Variants in FAN1 observed in about 807,000 individuals in gnomAD.
FAN1 encodes fanconi-associated nuclease 1.
In FAN1, 91 loss-of-function variants were observed where a neutral mutation model predicts 104.9. The ratio of observed to expected loss-of-function variants is 0.87; its 90% CI spans 0.73 to 1.03. The LOEUF (loss-of-function observed/expected upper bound fraction) is 1.03, where lower values mean the gene tolerates loss of function less well. FAN1 is among the 50% of genes least tolerant of loss of function. The probability of loss-of-function intolerance (pLI) is 0.00; values close to 1 mark genes in which losing one functional copy is unlikely to be tolerated. For synonymous variants in FAN1, 478 were observed against 457.6 expected (o/e 1.04, Z -0.57); for missense variants, 1,263 against 1,239.9 (o/e 1.02, Z -0.28).
In FAN1 at chr15:30,904,621, T is replaced by G; in HGVS notation, c.-43T>G. 1 of 1,585,316 alleles carries G rather than the reference T, an allele frequency of 6.3e-7. No individual in the cohort carries two copies. The highest frequency in any genetic ancestry group is 8.6e-7 in the Non-Finnish European group (1 of 1,156,890). On this transcript the variant is annotated 5_prime_UTR_variant, in exon 2 of 15. Coordinates refer to ENST00000362065, the MANE Select transcript of FAN1 (RefSeq NM_014967.5). ...CCATTGCTATCTTTCACCTTAAATA[T>G]CCTGTGTTTTATTGCTCAGAACATC...
At position 30,910,676 on chromosome 15, in the gene FAN1, C is replaced by T; in HGVS notation, c.1438C>T (p.Leu480=). 6.2e-7 allele frequency: 1 copy of T among 1,613,788 alleles called. No homozygotes were observed. Among genetic ancestry groups the T allele is most frequent in the African/African-American group, 1.3e-5 (1 of 75,020 alleles). ...ELLSAPELKS[L]AKTFHLVNPN... ...CCTTTCTGCTCCTGAACTAAAATCC[C>T]TAGCCAAGACCTTCCACTTGGTGAA... is the stretch of plus-strand genomic sequence containing the variant. The change falls in exon 4 of 15, where the codon CTA becomes TTA. Residue 480 remains leucine, a synonymous_variant. Coordinates refer to ENST00000362065, the MANE Select transcript of FAN1 (RefSeq NM_014967.5).
chr15:30,919,288 G>A (rs920968966), intron 6 of FAN1, among the ~76,000 whole-genome samples: 11 of 150,828 alleles, frequency 7.3e-5, no homozygotes, highest in Admixed American at 1.3e-4. Flanking sequence ...GCTGAGGCAG[G>A]AGAATCACTT....
chr15:30,918,098 C>T (rs2062232884), intron 5 of FAN1, 66 bp from the exon 6 acceptor site: 2 of 1,531,118 alleles, frequency 1.3e-6, no homozygotes, highest in South Asian at 1.1e-5. Flanking sequence ...GATCTAGTGG[C>T]TAGGATGTGG....
At chr15:30,911,719 T>C in intron 4 of FAN1, 4 of 937,530 alleles carry the variant, frequency 4.3e-6, no homozygotes, top group Admixed American at 6.2e-5. Context: ...TTCTTAAGTA[T>C]TTGATGTTAA....
Position 30,904,731 on chromosome 15 carries a change from A to G in FAN1, c.68A>G (p.Lys23Arg), listed in dbSNP as rs2061932661. The change falls in exon 2 of 15, where the codon AAG becomes AGG. Residue 23 changes from lysine to arginine, a missense_variant. By Grantham distance (26) the Lys-to-Arg change is conservative. Around this residue, in one of 2 missense-constraint regions of FAN1, gnomAD observed 682 missense variants for 571.1 expected, o/e 1.19. Coordinates refer to ENST00000362065, the MANE Select transcript of FAN1 (RefSeq NM_014967.5). ...AGAAGCTTATCAATCAGCAAGAATA[A>G]GAAAAAAGCATCTAATTCTATTATT... ...PRRSLSISKN[K>R]KKASNSIISC... The G allele has an allele frequency of 2.5e-6, 4 of 1,611,118 alleles. No homozygotes were observed. The East Asian group carries it at 6.7e-5, about 27-fold the overall frequency.
chr15:30,905,584 T>A lies in FAN1; in HGVS notation c.921T>A (p.Thr307=), dbSNP rs763527699. Residue 307 remains threonine (T), a synonymous_variant, in exon 2 of 15, where the codon ACT becomes ACA. Coordinates refer to ENST00000362065, the MANE Select transcript of FAN1 (RefSeq NM_014967.5). ...GTCATTGTGAAGAAGTAAAAATGACTGTTGCTTCAGAAGCTAAAATACAGC... is the reference window on the plus strand; with the variant it reads ...GTCATTGTGAAGAAGTAAAAATGACAGTTGCTTCAGAAGCTAAAATACAGC... ...EACHCEEVKM[T]VASEAKIQLS... 18 of 1,613,668 alleles carry A rather than the reference T, an allele frequency of 1.1e-5. No homozygotes were observed. Among genetic ancestry groups the A allele is most frequent in the Non-Finnish European group, 1.5e-5 (18 of 1,179,514 alleles).
At chr15:30,930,756 C>A (rs963833183) in intron 13 of FAN1, 85 bp downstream of exon 13, 1 of 1,516,908 alleles carries the variant, frequency 6.6e-7, no homozygotes, top group Non-Finnish European at 9.1e-7. Flanking sequence ...TCTTGAGTGG[C>A]TGTTGGCAAG....
Position 30,942,219 on chromosome 15 carries a change from T to G in FAN1, c.*657T>G, listed in dbSNP as rs1029786218. Reference sequence around the variant, plus strand: ...TTTCCTCCCTTCCTTTGTGTCCTTATTCTAATCCTCCTCCCCTGGAATTAC... The same window carrying G: ...TTTCCTCCCTTCCTTTGTGTCCTTAGTCTAATCCTCCTCCCCTGGAATTAC... On this transcript the variant is annotated 3_prime_UTR_variant, in exon 15 of 15. Coordinates refer to ENST00000362065, the MANE Select transcript of FAN1 (RefSeq NM_014967.5). The G allele has an allele frequency of 7.1e-6, 7 of 988,366 alleles. No homozygotes were observed. Among genetic ancestry groups the G allele is most frequent in the Non-Finnish European group, 1.0e-5 (7 of 672,142 alleles). The allele number at this position is 988,366 out of a possible 1,614,324, so 61.2% of individuals were successfully genotyped here.
At chr15:30,925,698 A>T in intron 9 of FAN1, 91 bp from the exon 10 acceptor site, 2 of 1,398,880 alleles carry the variant, frequency 1.4e-6, no homozygotes, top group South Asian at 2.5e-5. Context: ...ACTTTGTGGT[A>T]AGGGAGGTCA....
rs367919481 is a variant in FAN1, at chr15:30,940,795, GTAA to G, written c.*4-768_*4-766del. On this transcript the variant is annotated intron_variant, in intron 14 of 14. Transcript: ENST00000362065. ...AAAAAGTGAAATTATATTTTCTTCT[GTAA>G]TATTTGTATCCTAAAGTCAAAGGCA... 552 of 986,932 alleles carry G rather than the reference GTAA, an allele frequency of 5.6e-4. 2 individuals carry two copies. In the African/African-American group the frequency reaches 8.8e-3, roughly 16 times the overall value. 61.1% of individuals were successfully genotyped at this position (986,932 alleles called of 1,614,324 possible).
intron 7 of FAN1, 24 bp downstream of exon 7, chr15:30,920,677 C>A: frequency 7.4e-7 from 1 of 1,355,794 alleles, no homozygotes; most frequent in Non-Finnish European, 1.0e-6. Flanking sequence ...TCCCTGCCCC[C>A]CACCATTACT....
At chr15:30,911,197 A>G (rs964293245) in intron 4 of FAN1, 14 of 1,002,994 alleles carry the variant, frequency 1.4e-5, no homozygotes, top group African/African-American at 3.4e-5. Context: ...TTAATGTGCA[A>G]GTTTTCCTGA....
At chr15:30,939,647 T>G (rs1031265100) in intron 14 of FAN1, 4 of 801,222 alleles carry the variant, frequency 5.0e-6, no homozygotes, top group Admixed American at 1.5e-4. Flanking sequence ...AATAAAATAC[T>G]ACAAGAGTTA....
At chr15:30,928,169 A>G (rs1352140873) in intron 10 of FAN1, 1 of 1,012,524 alleles carries the variant, frequency 9.9e-7, no homozygotes, top group Non-Finnish European at 1.2e-6. Context: ...CAGGGCCTGC[A>G]TGGGGATTCT....
chr15:30,907,356 A>C, intron 2 of FAN1, among the ~76,000 whole-genome samples: 1 of 152,026 alleles, frequency 6.6e-6, no homozygotes, highest in East Asian at 1.9e-4. Context: ...CGTCTCTACT[A>C]AAAATACAAA....
Position 30,941,617 on chromosome 15 carries a change from C to G in FAN1, c.*55C>G, listed in dbSNP as rs375339800. Reference sequence around the variant, plus strand: ...AGGAGGAGAGAAACTCCGGTGTCCCCGAGGTGTCGGTGTGGTGAGGGCCGC... The same window carrying G: ...AGGAGGAGAGAAACTCCGGTGTCCCGGAGGTGTCGGTGTGGTGAGGGCCGC... On this transcript the variant is annotated 3_prime_UTR_variant, in exon 15 of 15. Transcript: ENST00000362065. 6.2e-7 allele frequency: 1 copy of G among 1,602,502 alleles called. No individual in the cohort carries two copies. Among genetic ancestry groups the G allele is most frequent in the African/African-American group, 1.3e-5 (1 of 74,710 alleles).
chr15:30,940,617 C>CCTGT, intron 14 of FAN1: 1 of 985,602 alleles, frequency 1.0e-6, no homozygotes, highest in Non-Finnish European at 1.2e-6. Flanking sequence ...ATGGCACTCT[C>CCTGT]CTGTCTACAG....
intron 12 of FAN1, 90 bp downstream of exon 12, chr15:30,929,487 T>A: frequency 1.1e-6 from 1 of 870,170 alleles, no homozygotes; most frequent in Admixed American, 2.8e-5. Flanking sequence ...AATACACATG[T>A]GTGTATATGT....
chr15:30,931,229 G>A (rs568496073), intron 13 of FAN1, among the ~76,000 whole-genome samples: 2 of 152,240 alleles, frequency 1.3e-5, no homozygotes, highest in African/African-American at 4.8e-5. Flanking sequence ...AGCTCAGAGA[G>A]TGAACACTTC....
Sources: gnomAD v4.1 joint callset for allele counts (sites outside exome capture counted in the v4.1 genomes callset) on GRCh38, gnomAD v4.1.1 for gene constraint, gnomAD v4.1.1 regional missense constraint, MANE v1.5 for transcripts, NCBI Gene and HGNC (gene_info 2026-07-23, HGNC 2026-07-21) for gene names.